The following KDM5B variants were observed in gnomAD, a reference collection of about 807,000 sequenced individuals.
KDM5B encodes lysine demethylase 5B.
KDM5B carries 144 observed loss-of-function variants against 193.4 expected under a neutral mutation model. The observed-to-expected ratio is 0.74, with a 90% CI of 0.65 to 0.86. The LOEUF is 0.86. Among genes scored for constraint, KDM5B ranks in the 40% least tolerant of loss-of-function variants. The pLI is 0.00. For missense variants in KDM5B, 1,833 were observed against 1,886.9 expected (o/e 0.97, Z 0.53); for synonymous variants, 668 against 682.6 (o/e 0.98, Z 0.33).
At chr1:202,758,259 A>G (rs1203274241) in intron 9 of KDM5B, 132 bp downstream of exon 9, 8 of 615,490 alleles carry the variant, frequency 1.3e-5, no homozygotes, top group African/African-American at 1.9e-5. Context: ...CACAAAACAA[A>G]TTAAAGTTTC....
At chr1:202,788,928 G>T in intron 1 of KDM5B, among the ~76,000 whole-genome samples, 1 of 152,084 alleles carries the variant, frequency 6.6e-6, no homozygotes, top group Non-Finnish European at 1.5e-5. Flanking sequence ...TTCCAAAAAT[G>T]ATCTGTCTGT....
At chr1:202,756,332 A>C in intron 10 of KDM5B, 26 bp downstream of exon 10, 1 of 1,557,052 alleles carries the variant, frequency 6.4e-7, no homozygotes, top group South Asian at 1.2e-5. Context: ...TAAATACCTC[A>C]ATTTCCAAGC....
At chr1:202,764,967 ATC>A (rs1338324899) in intron 5 of KDM5B, among the ~76,000 whole-genome samples, 1 of 152,220 alleles carries the variant, frequency 6.6e-6, no homozygotes, top group African/African-American at 2.4e-5. Flanking sequence ...ACAAGAGCCA[ATC>A]TCTGTCTCAA....
At chr1:202,754,493 A>C (rs1239067743) in intron 11 of KDM5B, among the ~76,000 whole-genome samples, 1 of 152,146 alleles carries the variant, frequency 6.6e-6, no homozygotes, top group African/African-American at 2.4e-5. Flanking sequence ...GGCTCACTCT[A>C]CTGTGCATAG....
chr1:202,777,846 CA>C (rs1466185830), intron 1 of KDM5B, among the ~76,000 whole-genome samples: 4 of 151,914 alleles, frequency 2.6e-5, no homozygotes, highest in African/African-American at 9.7e-5. Flanking sequence ...ACAGTGGTGT[CA>C]GGGGGAGAAA....
At chr1:202,737,636 C>T (rs182449363) in intron 20 of KDM5B, among the ~76,000 whole-genome samples, 1 of 152,242 alleles carries the variant, frequency 6.6e-6, no homozygotes, top group East Asian at 1.9e-4. Flanking sequence ...TGCACCAGGG[C>T]TTTAAAACTA....
At chr1:202,756,804 G>T (rs1183920186) in intron 9 of KDM5B, among the ~76,000 whole-genome samples, 1 of 152,170 alleles carries the variant, frequency 6.6e-6, no homozygotes, top group African/African-American at 2.4e-5. Context: ...TAGTAATAAT[G>T]GTTAGTTGTG....
intron 1 of KDM5B, among the ~76,000 whole-genome samples, chr1:202,803,919 C>G (rs1658181046): frequency 7.9e-6 from 1 of 127,376 alleles, no homozygotes; most frequent in Non-Finnish European, 1.5e-5. Flanking sequence ...CTAAATTTGT[C>G]TTAAAAGGTA....
chr1:202,768,343 T>C (rs1656560629), intron 4 of KDM5B, among the ~76,000 whole-genome samples: 1 of 152,140 alleles, frequency 6.6e-6, no homozygotes, highest in Non-Finnish European at 1.5e-5. Flanking sequence ...AAAAGTAAGT[T>C]CCAAAAGTAA....
intron 1 of KDM5B, among the ~76,000 whole-genome samples, chr1:202,800,306 T>C (rs1393769562): frequency 2.6e-5 from 4 of 152,002 alleles, no homozygotes; most frequent in Admixed American, 6.6e-5. Flanking sequence ...CCTCCCAAAG[T>C]GCTGAGATTA....
chr1:202,808,252 C>A lies in KDM5B; in HGVS notation c.54G>T (p.Gly18=). ...GGAACTCGCCCAGCGGGCCCGGGCC[C>A]CCGAGGGGCAGCGCCGGGCGCGGGC... ...HPGPRPALPL[G]GPGPLGEFLP... is the part of the protein sequence containing the mutation. Residue 18 remains glycine (G), a synonymous_variant, in exon 1 of 27, where the codon GGG becomes GGT. Coordinates refer to ENST00000367265, the MANE Select transcript of KDM5B (RefSeq NM_006618.5). 6.2e-7 allele frequency: 1 copy of A among 1,610,982 alleles called. No homozygotes were observed. The highest frequency in any genetic ancestry group is 2.2e-5 in the East Asian group (1 of 44,822).
At chr1:202,777,479 C>T (rs1490152804) in intron 1 of KDM5B, among the ~76,000 whole-genome samples, 1 of 151,550 alleles carries the variant, frequency 6.6e-6, no homozygotes, top group Non-Finnish European at 1.5e-5. Context: ...TTTAACCTTC[C>T]AGTCACATTA....
intron 1 of KDM5B, chr1:202,806,531 AATGG>A (rs1242178020): frequency 1.3e-5 from 2 of 152,194 alleles, no homozygotes; most frequent in Non-Finnish European, 2.9e-5. Flanking sequence ...CGCTGTAAGA[AATGG>A]ATCTATTTTC....
chr1:202,772,728 C>G (rs1192718515), intron 4 of KDM5B, among the ~76,000 whole-genome samples: 1 of 151,370 alleles, frequency 6.6e-6, no homozygotes, highest in African/African-American at 2.4e-5. Flanking sequence ...CTCAGAGTCT[C>G]GCTCTTTGCC....
Position 202,742,707 on chromosome 1 carries a change from C to T in KDM5B, c.2422G>A (p.Glu808Lys). The T allele has an allele frequency of 1.9e-6, 3 of 1,614,244 alleles. No homozygotes were observed. The highest frequency in any genetic ancestry group is 2.5e-6 in the Non-Finnish European group (3 of 1,180,032). Reference sequence around the variant, plus strand: ...TGCTGCGCAACAGAGGCACACTTCTCTGCATCCTGTGTGACTAGGCGAAGG... The same window carrying T: ...TGCTGCGCAACAGAGGCACACTTCTTTGCATCCTGTGTGACTAGGCGAAGG... ...RHLRLVTQDAEKCASVAQQLL... is the reference protein window; with the variant it reads ...RHLRLVTQDAKKCASVAQQLL... The change falls in exon 17 of 27, where the codon GAG (glutamate) becomes AAG (lysine). Residue 808 changes from glutamate to lysine, a missense_variant. By Grantham distance (56) the Glu-to-Lys change is moderately conservative. Transcript: ENST00000367265.
chr1:202,756,198 T>C (rs1253013270), intron 10 of KDM5B, among the ~76,000 whole-genome samples, 160 bp downstream of exon 10: 2 of 152,202 alleles, frequency 1.3e-5, no homozygotes, highest in Admixed American at 1.3e-4. Context: ...CATAGTGACA[T>C]AGTTAGGACT....
chr1:202,783,456 G>A (rs562216101), intron 1 of KDM5B, among the ~76,000 whole-genome samples: 7 of 151,928 alleles, frequency 4.6e-5, no homozygotes, highest in Admixed American at 3.3e-4. Flanking sequence ...AGTGAGCCAC[G>A]ATCATGCTAC....
chr1:202,806,142 A>C (rs1249892814), intron 1 of KDM5B, among the ~76,000 whole-genome samples: 1 of 152,220 alleles, frequency 6.6e-6, no homozygotes, highest in Non-Finnish European at 1.5e-5. Flanking sequence ...TAACCAGAGC[A>C]ACACTATCTT....
Position 202,736,447 on chromosome 1 carries a change from A to C in KDM5B, c.3085-55T>G, listed in dbSNP as rs1655099594. ...TAGAGAAAAGAACACTTCTATGAAA[A>C]ACAGGAAAAGCTTAATTCAGATTGG... On this transcript the variant is annotated intron_variant, in intron 20 of 26. Transcript: ENST00000367265. 4 of 1,388,004 alleles carry C rather than the reference A, an allele frequency of 2.9e-6. No homozygotes were observed. The Admixed American group carries it at 7.4e-5, about 26-fold the overall frequency. 86.0% of individuals were successfully genotyped at this position (1,388,004 alleles called of 1,614,324 possible). A position where few individuals can be genotyped will look rare whatever the true frequency, so the allele number is the denominator to read the frequency against.
Sources: gnomAD v4.1 joint callset for allele counts (sites outside exome capture counted in the v4.1 genomes callset) on GRCh38, gnomAD v4.1.1 for gene constraint, MANE v1.5 for transcripts, NCBI Gene and HGNC (gene_info 2026-07-23, HGNC 2026-07-21) for gene names.